Variants in GRHPR observed in about 807,000 individuals in gnomAD.
GRHPR encodes the protein glyoxylate and hydroxypyruvate reductase, also known as glyoxylate reductase/hydroxypyruvate reductase.
In GRHPR, 35 loss-of-function variants were observed where a neutral mutation model predicts 36.8. The observed-to-expected ratio is 0.95, with a 90% CI of 0.73 to 1.26. GRHPR has a LOEUF of 1.26. Among genes scored for constraint, GRHPR ranks in the 50% most tolerant of loss-of-function variants. The pLI, the probability that GRHPR is intolerant of heterozygous loss-of-function variation, is 0.00. For synonymous variants in GRHPR, 179 were observed against 181.0 expected, an observed-to-expected ratio of 0.99 and a Z score of 0.09; for missense variants, 380 against 435.0, an observed-to-expected ratio of 0.87 and a Z score of 1.12.
rs771573531 is a variant in GRHPR at position 37,426,540 on chromosome 9, G to A, written c.290G>A (p.Gly97Glu). 1.3e-6 allele frequency: 2 copies of A among 1,594,192 alleles called. No individual in the cohort carries two copies. Among genetic ancestry groups the A allele is most frequent in the Admixed American group, 3.3e-5 (2 of 60,000 alleles). Residue 97 changes from glycine (G) to glutamate (E), a missense_variant and splice_region_variant, in exon 4 of 9, where the codon GGG (glycine) becomes GAG (glutamate). Transcript: ENST00000318158. ...HLALDEIKKRGIRVGYTPDVL... is the reference protein window; with the variant it reads ...HLALDEIKKREIRVGYTPDVL... ...ACCACCAGATGTCTGATTCGTAGTG[G>A]GATCCGAGTTGGCTACACCCCAGAT...
Position 37,426,587 on chromosome 9 carries a change from G to A in GRHPR, c.337G>A (p.Glu113Lys), listed in dbSNP as rs180177307. 6.8e-6 allele frequency: 11 copies of A among 1,613,886 alleles called. No individual in the cohort carries two copies. The highest frequency in any genetic ancestry group is 3.3e-5 in the Admixed American group (2 of 59,994). Residue 113 changes from glutamate to lysine, a missense_variant, in exon 4 of 9, where the codon GAA (glutamate) becomes AAA (lysine). Physicochemically the swap from Glu to Lys is moderately conservative, Grantham distance 56 (BLOSUM62 1). Coordinates refer to ENST00000318158, the MANE Select transcript of GRHPR (RefSeq NM_012203.2). Reference protein sequence around the residue: ...TPDVLTDTTAELAVSLLLTTC... With the variant: ...TPDVLTDTTAKLAVSLLLTTC... ...AGATGTCCTGACAGATACCACCGCCGAACTCGCAGTCTCCCTGCTACTTAC... is the reference window on the plus strand; with the variant it reads ...AGATGTCCTGACAGATACCACCGCCAAACTCGCAGTCTCCCTGCTACTTAC...
In GRHPR at chr9:37,424,884, T is replaced by C. The variant is rs2118858858; in HGVS notation, c.123T>C (p.Pro41=). The stretch of plus-strand genomic sequence containing the variant: ...AGTGGGACTCGGATGAGCCCATCCC[T>C]GCCAAGGAGCTAGAGCGAGGTGTGG... ...VEQWDSDEPI[P]AKELERGVAG... The change falls in exon 2 of 9, where the codon CCT becomes CCC. Residue 41 remains proline, a synonymous_variant. Coordinates refer to ENST00000318158, the MANE Select transcript of GRHPR (RefSeq NM_012203.2). 1.9e-6 allele frequency: 3 copies of C among 1,613,658 alleles called. No individual in the cohort carries two copies. The highest frequency in any genetic ancestry group is 2.5e-6 in the Non-Finnish European group (3 of 1,179,924).
In GRHPR at chr9:37,428,600, G is replaced by A. The variant is rs374838995; in HGVS notation, c.493+28G>A. On this transcript the variant is annotated intron_variant, in intron 5 of 8. Transcript: ENST00000318158. ...GAGGCTCCCACCGGCCCGCTTGCCC[G>A]CCCCGGCTCTCACAGCGTGGTTTGC... 1.3e-5 allele frequency: 19 copies of A among 1,468,182 alleles called. No individual in the cohort carries two copies. In the African/African-American group the frequency reaches 1.5e-4, roughly 12 times the overall value. 90.9% of individuals were successfully genotyped at this position (1,468,182 alleles called of 1,614,324 possible).
Position 37,424,828 on chromosome 9 carries a change from C to T in GRHPR, c.84-17C>T. ...GTGCGGCTCCTGCTTCTCCTGAGGG[C>T]CTCCCTTTCCCCGCAGCTGTGAGGT... On this transcript the variant is annotated splice_polypyrimidine_tract_variant and intron_variant, in intron 1 of 8. Coordinates refer to ENST00000318158, the MANE Select transcript of GRHPR (RefSeq NM_012203.2). 1 of 1,611,806 alleles carries T rather than the reference C, an allele frequency of 6.2e-7. No homozygotes were observed. The highest frequency in any genetic ancestry group is 1.1e-5 in the South Asian group (1 of 90,894).
chr9:37,435,743 G>A (rs1302791074), intron 8 of GRHPR, among the ~76,000 whole-genome samples: 2 of 152,108 alleles, frequency 1.3e-5, no homozygotes, highest in Admixed American at 6.6e-5. Flanking sequence ...ATTTAAAGAA[G>A]AAAATGTACT....
chr9:37,426,880 G>T (rs998871720), intron 4 of GRHPR, among the ~76,000 whole-genome samples: 1 of 151,888 alleles, frequency 6.6e-6, no homozygotes, highest in East Asian at 1.9e-4. Context: ...GAACCCAGGA[G>T]ACAGAGGTTG....
At chr9:37,436,459 A>G (rs1823653095) in intron 8 of GRHPR, among the ~76,000 whole-genome samples, 1 of 152,166 alleles carries the variant, frequency 6.6e-6, no homozygotes, top group African/African-American at 2.4e-5. Flanking sequence ...AGTAGCCTGG[A>G]GGCCCTTCAC....
intron 5 of GRHPR, 68 bp downstream of exon 5, chr9:37,428,640 G>C: frequency 9.7e-7 from 1 of 1,027,814 alleles, no homozygotes; most frequent in Non-Finnish European, 1.5e-6. Flanking sequence ...CTGGCACCAC[G>C]TGTCTGAAGG....
intron 1 of GRHPR, among the ~76,000 whole-genome samples, chr9:37,424,362 TG>T (rs1417967069): frequency 6.6e-6 from 1 of 152,260 alleles, no homozygotes; most frequent in Non-Finnish European, 1.5e-5. Flanking sequence ...GACAAATATC[TG>T]GTTGCTGTGA....
Position 37,424,488 on chromosome 9 carries a change from A to G in GRHPR, c.84-357A>G, listed in dbSNP as rs533005253. 3.9e-5 allele frequency among the ~76,000 whole-genome samples: 6 copies of G among 152,340 alleles called. No individual in the cohort carries two copies. In the East Asian group the frequency reaches 1.2e-3, roughly 29 times the overall value. ...AGGAAGAGATGCAACAGGCCATTGA[A>G]TCCAGGCCCCCCACCTGAGGCACAC... On this transcript the variant is annotated intron_variant, in intron 1 of 8. Coordinates refer to ENST00000318158, the MANE Select transcript of GRHPR (RefSeq NM_012203.2).
chr9:37,431,620 C>T (rs953293737), intron 7 of GRHPR: 10 of 272,470 alleles, frequency 3.7e-5, no homozygotes, highest in South Asian at 3.6e-4. Context: ...TCAACCAGAT[C>T]AGAAACACTT....
At chr9:37,433,242 T>G (rs866309474) in intron 8 of GRHPR, among the ~76,000 whole-genome samples, 11 of 150,304 alleles carry the variant, frequency 7.3e-5, no homozygotes, top group African/African-American at 2.7e-4. Context: ...TTTTTTTTTT[T>G]TTTTTTTTTG....
chr9:37,435,031 C>T (rs1461206873), intron 8 of GRHPR, among the ~76,000 whole-genome samples: 1 of 152,242 alleles, frequency 6.6e-6, no homozygotes, highest in African/African-American at 2.4e-5. Flanking sequence ...GCGGGAGGAT[C>T]ACCTAAGACC....
Position 37,424,976 on chromosome 9 carries a change from G to T in GRHPR, c.214+1G>T, listed in dbSNP as rs1244822375. On this transcript the variant is annotated splice_donor_variant, in intron 2 of 8. Transcript: ENST00000318158. LOFTEE classifies it high-confidence loss of function. ...GACAAGAGGATCCTGGATGCTGCAG[G>T]TGCACACTGGGTGGGCAGGGGACTT... is the stretch of plus-strand genomic sequence containing the variant. 1.9e-6 allele frequency: 3 copies of T among 1,611,980 alleles called. No individual in the cohort carries two copies. Among genetic ancestry groups the T allele is most frequent in the East Asian group, 2.2e-5 (1 of 44,888 alleles).
In GRHPR at chr9:37,429,739, C is replaced by T. The variant is rs1823267334; in HGVS notation, c.501C>T (p.Ala167=). 1 of 1,608,922 alleles carries T rather than the reference C, an allele frequency of 6.2e-7. No individual in the cohort carries two copies. Among genetic ancestry groups the T allele is most frequent in the Non-Finnish European group, 8.5e-7 (1 of 1,175,282 alleles). The change falls in exon 6 of 9, where the codon GCC becomes GCT. Residue 167 remains alanine (A), a synonymous_variant. Coordinates refer to ENST00000318158, the MANE Select transcript of GRHPR (RefSeq NM_012203.2). The part of the protein sequence containing the change: ...GIIGLGRIGQ[A]IARRLKPFGV... ...GGACTCTCCTTGCTCTAGGCCAGGC[C>T]ATTGCTCGGCGTCTGAAACCATTCG...
At chr9:37,425,036 T>G in intron 2 of GRHPR, 61 bp downstream of exon 2, 1 of 1,532,494 alleles carries the variant, frequency 6.5e-7, no homozygotes, top group Non-Finnish European at 9.0e-7. Context: ...CCTCAGCCTG[T>G]GCTGCTGGCT....
chr9:37,423,981 T>C lies in GRHPR; in HGVS notation c.84-864T>C, dbSNP rs77809137. ...GCTGGGGCTTGTACTCAGAAGTGTC[T>C]GACTGCTGTCTGATCACTGCATTTG... On this transcript the variant is annotated intron_variant, in intron 1 of 8. Coordinates refer to ENST00000318158, the MANE Select transcript of GRHPR (RefSeq NM_012203.2). 9.2e-5 allele frequency among the ~76,000 whole-genome samples: 14 copies of C among 152,368 alleles called. No homozygotes were observed. The East Asian group carries it at 2.7e-3, about 29-fold the overall frequency.
rs1444931153 is a variant in GRHPR at position 37,422,777 on chromosome 9, G to A, written c.27G>A (p.Val9=). Residue 9 remains valine (V), a synonymous_variant, in exon 1 of 9, where the codon GTG becomes GTA. Coordinates refer to ENST00000318158, the MANE Select transcript of GRHPR (RefSeq NM_012203.2). MRPVRLMK[V]FVTRRIPAEG... Reference sequence around the variant, plus strand: ...TGAGACCGGTGCGACTCATGAAGGTGTTCGTCACCCGCAGGATACCCGCCG... The same window carrying A: ...TGAGACCGGTGCGACTCATGAAGGTATTCGTCACCCGCAGGATACCCGCCG... The A allele has an allele frequency of 3.8e-6, 6 of 1,599,134 alleles. No individual in the cohort carries two copies. Among genetic ancestry groups the A allele is most frequent in the Non-Finnish European group, 1.7e-6 (2 of 1,174,348 alleles).
rs770441615 is a variant in GRHPR, at chr9:37,430,593, C to G, written c.681C>G (p.Asn227Lys). ...CACCTGCAACCGAGGGACTCTGCAACAAGGACTTCTTCCAGAAGATGAAGG... is the reference window on the plus strand; with the variant it reads ...CACCTGCAACCGAGGGACTCTGCAAGAAGGACTTCTTCCAGAAGATGAAGG... ...SLTPATEGLC[N>K]KDFFQKMKET... Residue 227 changes from asparagine (N) to lysine (K), a missense_variant, in exon 7 of 9, where the codon AAC (asparagine) becomes AAG (lysine). Asn to Lys is a moderately conservative substitution (Grantham distance 94). Transcript: ENST00000318158. 6.2e-7 allele frequency: 1 copy of G among 1,613,558 alleles called. No homozygotes were observed. The highest frequency in any genetic ancestry group is 1.7e-5 in the Admixed American group (1 of 60,018).
Sources: allele counts gnomAD v4.1 joint callset (sites outside exome capture counted in the v4.1 genomes callset), GRCh38; gene constraint gnomAD v4.1.1; transcripts MANE v1.5; gene names NCBI Gene and HGNC (gene_info 2026-07-23, HGNC 2026-07-21).